ST7L: variants seen among roughly 807,000 people sequenced by gnomAD.
ST7L encodes the protein suppressor of tumorigenicity 7 protein-like.
A neutral mutation model predicts 72.5 loss-of-function variants in ST7L; 57 were observed. The ratio of observed to expected loss-of-function variants is 0.79; its 90% confidence interval spans 0.64 to 0.98. The LOEUF is 0.98. Ranked by LOEUF, ST7L falls within the 50% of genes least tolerant of loss-of-function variation. ST7L has a pLI of 0.00. For synonymous variants in ST7L, 221 were observed against 240.9 expected, an observed-to-expected ratio of 0.92 and a Z score of 0.77; for missense variants, 576 against 672.2, an observed-to-expected ratio of 0.86 and a Z score of 1.58.
Position 112,591,410 on chromosome 1 carries a change from A to C in ST7L, c.701+115T>G, listed in dbSNP as rs1410149421. The C allele has an allele frequency of 1.5e-5, 12 of 824,124 alleles. No homozygotes were observed. The Admixed American group carries it at 2.0e-4, about 14-fold the overall frequency. The allele number at this position is 824,124 out of a possible 1,614,324, so 51.1% of individuals were successfully genotyped here. ...ATTTTATTAAATATCTATAACATGCAAAAAGGAAATGACTAATGACTCCAA... is the reference window on the plus strand; with the variant it reads ...ATTTTATTAAATATCTATAACATGCCAAAAGGAAATGACTAATGACTCCAA... On this transcript the variant is annotated intron_variant, in intron 6 of 14. Coordinates refer to ENST00000358039, the MANE Select transcript of ST7L (RefSeq NM_017744.5).
intron 9 of ST7L, among the ~76,000 whole-genome samples, chr1:112,580,864 C>T (rs890851630): frequency 1.3e-5 from 2 of 152,202 alleles, no homozygotes; most frequent in Non-Finnish European, 2.9e-5. Context: ...GGAAGCGGAG[C>T]TTGCAGTGAG....
At chr1:112,599,073 A>AAAAAAAAAATATATAT (rs1190968815) in intron 4 of ST7L, among the ~76,000 whole-genome samples, 2 of 56,992 alleles carry the variant, frequency 3.5e-5, no homozygotes, top group Non-Finnish European at 6.2e-5. Context: ...AAAAAAAAAA[A>AAAAAAAAAATATATAT]ATATATATAT....
intron 4 of ST7L, among the ~76,000 whole-genome samples, chr1:112,599,549 A>G (rs1405572689): frequency 6.6e-6 from 1 of 152,206 alleles, no homozygotes; most frequent in Non-Finnish European, 1.5e-5. Flanking sequence ...TCTCATTTAG[A>G]GTTAAAAACC....
chr1:112,618,309 C>T, intron 1 of ST7L: 1 of 1,018,404 alleles, frequency 9.8e-7, no homozygotes, highest in African/African-American at 1.7e-5. Flanking sequence ...AAAGAACTAG[C>T]AAACCCACTG....
chr1:112,581,901 A>G, intron 9 of ST7L, 91 bp downstream of exon 9: 6 of 929,866 alleles, frequency 6.5e-6, no homozygotes, highest in Non-Finnish European at 8.4e-6. Flanking sequence ...AAGAACAGAA[A>G]GAGAAAATTA....
chr1:112,613,770 C>G (rs1052408921), intron 2 of ST7L, among the ~76,000 whole-genome samples: 1 of 152,030 alleles, frequency 6.6e-6, no homozygotes, highest in African/African-American at 2.4e-5. Flanking sequence ...CTCTGTTGCC[C>G]GGGCTGGAGT....
At chr1:112,597,876 T>C (rs767708720) in intron 5 of ST7L, 95 bp downstream of exon 5, 26 of 800,562 alleles carry the variant, frequency 3.2e-5, no homozygotes, top group Non-Finnish European at 4.3e-5. Context: ...GCCAAATAAC[T>C]AAATAACTCT....
chr1:112,577,078 C>A lies in ST7L; in HGVS notation c.1153G>T (p.Glu385Ter), dbSNP rs766747242. 5.7e-6 allele frequency: 9 copies of A among 1,586,818 alleles called. No homozygotes were observed. In the South Asian group the frequency reaches 8.2e-5, roughly 15 times the overall value. Residue 385 changes from glutamate to a stop codon, truncating the protein, a stop_gained, in exon 11 of 15, where the codon GAA becomes TAA. Coordinates refer to ENST00000358039, the MANE Select transcript of ST7L (RefSeq NM_017744.5). LOFTEE classifies it high-confidence loss of function. ...CTTAATCCTCTTCTGGAGGCTGTTT[C>A]TGGAGAGAATCTACAAGAAAACCAC... The part of the protein sequence containing the change: ...TRTVSEKFSP[E>*]TASRRGLSTA...
At chr1:112,570,309 T>A (rs891486308) in intron 11 of ST7L, among the ~76,000 whole-genome samples, 10 of 152,136 alleles carry the variant, frequency 6.6e-5, no homozygotes, top group African/African-American at 1.9e-4. Flanking sequence ...TCAATATTAA[T>A]GAAATACCTA....
chr1:112,535,391 T>G (rs1431074946), intron 14 of ST7L, among the ~76,000 whole-genome samples: 1 of 147,972 alleles, frequency 6.8e-6, no homozygotes, highest in Non-Finnish European at 1.5e-5. Flanking sequence ...ATACTAATAA[T>G]AATAAGAAGA....
At chr1:112,601,536 C>T (rs1456226502) in intron 3 of ST7L, among the ~76,000 whole-genome samples, 1 of 151,886 alleles carries the variant, frequency 6.6e-6, no homozygotes, top group African/African-American at 2.4e-5. Context: ...TGAGCCACCG[C>T]GCCTGGCCAG....
intron 12 of ST7L, among the ~76,000 whole-genome samples, chr1:112,554,414 C>T (rs1230833523): frequency 6.6e-6 from 1 of 152,044 alleles, no homozygotes; most frequent in Non-Finnish European, 1.5e-5. Flanking sequence ...CAATGAGATT[C>T]CACTTCACAT....
intron 11 of ST7L, among the ~76,000 whole-genome samples, chr1:112,561,509 T>C (rs1246973157): frequency 6.6e-6 from 1 of 152,128 alleles, no homozygotes; most frequent in Non-Finnish European, 1.5e-5. Context: ...AGATGGAATT[T>C]TGCTTTTGTT....
chr1:112,535,168 T>C (rs1654976911), intron 14 of ST7L, among the ~76,000 whole-genome samples: 1 of 151,256 alleles, frequency 6.6e-6, no homozygotes, highest in Non-Finnish European at 1.5e-5. Context: ...AGTTCAGGAG[T>C]TCAAGACTAG....
chr1:112,586,155 C>G (rs1664838867), intron 6 of ST7L, among the ~76,000 whole-genome samples: 2 of 152,224 alleles, frequency 1.3e-5, no homozygotes, highest in South Asian at 4.1e-4. Flanking sequence ...TGCCCAGGCA[C>G]AGTGGCTCAT....
intron 6 of ST7L, among the ~76,000 whole-genome samples, chr1:112,589,389 T>G (rs1341875377): frequency 6.6e-6 from 1 of 152,106 alleles, no homozygotes; most frequent in East Asian, 1.9e-4. Context: ...ACACCCAACC[T>G]GATTTCTTTT....
intron 14 of ST7L, chr1:112,529,094 TC>T (rs1653939011): frequency 6.6e-6 from 1 of 152,222 alleles, no homozygotes; most frequent in African/African-American, 2.4e-5. Flanking sequence ...CCAAAGCAGT[TC>T]CCTGGTGCCA....
chr1:112,582,003 G>T lies in ST7L; in HGVS notation c.1058C>A (p.Ala353Glu), dbSNP rs779984420. ...GGAATATGACTCACCATCATATTTT[G>T]CTAGGACTGCCTGAACATCTGGATA... is the stretch of plus-strand genomic sequence containing the variant. ...QAYPDVQAVL[A>E]KYDDISLPKS... Residue 353 changes from alanine to glutamate, a missense_variant, in exon 9 of 15, where the codon GCA becomes GAA. Transcript: ENST00000358039. 1 of 1,602,386 alleles carries T rather than the reference G, an allele frequency of 6.2e-7. No homozygotes were observed. The highest frequency in any genetic ancestry group is 8.5e-7 in the Non-Finnish European group (1 of 1,169,818).
At chr1:112,594,521 C>T (rs772681625) in intron 5 of ST7L, among the ~76,000 whole-genome samples, 18 of 152,162 alleles carry the variant, frequency 1.2e-4, no homozygotes, top group Non-Finnish European at 2.2e-4. Flanking sequence ...TGGATTGCTC[C>T]TAGGGGAAGG....
Sources: allele counts gnomAD v4.1 joint callset (sites outside exome capture counted in the v4.1 genomes callset), GRCh38; gene constraint gnomAD v4.1.1; transcripts MANE v1.5; gene names NCBI Gene and HGNC (gene_info 2026-07-23, HGNC 2026-07-21).